Variants in GRIN2A observed in about 807,000 individuals in gnomAD.
GRIN2A encodes the protein glutamate ionotropic receptor NMDA type subunit 2A.
Under a neutral mutation model 113.4 loss-of-function variants are expected in GRIN2A, and 22 were observed. The ratio of observed to expected loss-of-function variants is 0.19; its 90% CI spans 0.14 to 0.28. GRIN2A has a LOEUF of 0.28. GRIN2A is among the 10% of genes least tolerant of loss of function. The pLI is 1.00. For synonymous variants in GRIN2A, 827 were observed against 738.4 expected (o/e 1.12, Z -1.94); for missense variants, 1,502 against 1,887.0 (o/e 0.80, Z 3.78).
intron 2 of GRIN2A, among the ~76,000 whole-genome samples, chr16:10,022,278 CAG>C (rs1319092199): frequency 1.4e-5 from 2 of 141,258 alleles, no homozygotes; most frequent in African/African-American, 3.2e-5. Context: ...CATGCATGCA[CAG>C]AGTCACACAC....
intron 2 of GRIN2A, among the ~76,000 whole-genome samples, chr16:10,160,986 C>T (rs1156633322): frequency 2.0e-5 from 3 of 152,224 alleles, no homozygotes; most frequent in Admixed American, 6.5e-5. Context: ...GCAGAACACA[C>T]GTGCAGAGCA....
At chr16:9,831,075 T>G (rs561484737) in intron 8 of GRIN2A, among the ~76,000 whole-genome samples, 2 of 152,292 alleles carry the variant, frequency 1.3e-5, no homozygotes, top group Admixed American at 1.3e-4. Flanking sequence ...CAGCGAAATG[T>G]AACAGAAAAC....
At chr16:9,798,128 A>G (rs1190324194) in intron 11 of GRIN2A, 149 bp downstream of exon 11, 3 of 703,908 alleles carry the variant, frequency 4.3e-6, no homozygotes, top group Non-Finnish European at 5.0e-6. Context: ...AGCAACCTAA[A>G]GAACCATGGT....
Position 10,007,974 on chromosome 16 carries a change from T to C in GRIN2A, c.415-69423A>G, listed in dbSNP as rs543836766. Among the ~76,000 whole-genome samples the C allele has an allele frequency of 1.1e-3, 166 of 152,314 alleles. 2 individuals are homozygous for C. The highest frequency in any genetic ancestry group is 3.7e-3 in the African/African-American group (152 of 41,582). ...CTTTGAGCCTCTGGTACATCCTCTA[T>C]AAGATACAAGTAGTATTCTTTTTTT... On this transcript the variant is annotated intron_variant, in intron 2 of 12. Coordinates refer to ENST00000330684, the MANE Select transcript of GRIN2A (RefSeq NM_001134407.3).
At chr16:9,788,684 C>G (rs1417197992) in intron 11 of GRIN2A, among the ~76,000 whole-genome samples, 1 of 150,596 alleles carries the variant, frequency 6.6e-6, no homozygotes, top group East Asian at 2.0e-4. Flanking sequence ...TCTTCTTGTT[C>G]TCATCTTCAT....
At chr16:9,973,297 CTT>C (rs902327700) in intron 2 of GRIN2A, among the ~76,000 whole-genome samples, 2 of 152,136 alleles carry the variant, frequency 1.3e-5, no homozygotes, top group African/African-American at 4.8e-5. Context: ...GCTAATATCT[CTT>C]TGTTTCAAAG....
At chr16:10,029,613 G>A (rs1284281986) in intron 2 of GRIN2A, among the ~76,000 whole-genome samples, 3 of 152,222 alleles carry the variant, frequency 2.0e-5, no homozygotes, top group African/African-American at 4.8e-5. Flanking sequence ...TGGGGATACG[G>A]CATATGTCTC....
At chr16:10,046,797 A>C (rs942904827) in intron 2 of GRIN2A, among the ~76,000 whole-genome samples, 2 of 150,672 alleles carry the variant, frequency 1.3e-5, no homozygotes, top group African/African-American at 5.0e-5. Flanking sequence ...GTATCATTAC[A>C]TTTTCAGTCC....
chr16:10,085,823 A>G (rs934553612), intron 2 of GRIN2A, among the ~76,000 whole-genome samples: 6 of 152,222 alleles, frequency 3.9e-5, no homozygotes, highest in Non-Finnish European at 8.8e-5. Context: ...CCCCTGGCCA[A>G]GAAGGGGTTC....
intron 2 of GRIN2A, among the ~76,000 whole-genome samples, chr16:9,941,458 T>G (rs575778006): frequency 2.0e-5 from 3 of 152,342 alleles, no homozygotes; most frequent in Admixed American, 1.3e-4. Context: ...CAGAGCCAGC[T>G]CGGCACAGGC....
intron 2 of GRIN2A, among the ~76,000 whole-genome samples, chr16:9,951,201 G>A (rs1197140457): frequency 6.6e-6 from 1 of 152,088 alleles, no homozygotes; most frequent in East Asian, 1.9e-4. Context: ...AATGCACCCT[G>A]AACTAATGCC....
At position 9,842,928 on chromosome 16, in the gene GRIN2A, C is replaced by T. The variant is rs1463120133; in HGVS notation, c.1329-1824G>A. ...CCTAGGTGACAGAATGTGACTCTGT[C>T]GAGAGAAAGAGAGAAAGAAAGAAAG... On this transcript the variant is annotated intron_variant, in intron 5 of 12. Transcript: ENST00000330684. Among the ~76,000 whole-genome samples, 4 of 136,548 alleles carry T rather than the reference C, an allele frequency of 2.9e-5. No homozygotes were observed. In the South Asian group the frequency reaches 7.0e-4, roughly 24 times the overall value. 89.6% of individuals were successfully genotyped at this position (136,548 alleles called of 152,430 possible). A position where few individuals can be genotyped will look rare whatever the true frequency, so the allele number is the denominator to read the frequency against.
In GRIN2A at chr16:10,118,216, T is replaced by G. The variant is rs80280970; in HGVS notation, c.414+61782A>C. 3.0e-4 allele frequency among the ~76,000 whole-genome samples: 45 copies of G among 152,340 alleles called. No homozygotes were observed. In the East Asian group the frequency reaches 8.5e-3, roughly 29 times the overall value. ...CGAAGACATTGTTATATATCTGTAT[T>G]CAGCCGTGCTGGAAGCCAGATACCC... On this transcript the variant is annotated intron_variant, in intron 2 of 12. Transcript: ENST00000330684.
chr16:10,068,136 A>C (rs767725336), intron 2 of GRIN2A, among the ~76,000 whole-genome samples: 6 of 152,164 alleles, frequency 3.9e-5, no homozygotes, highest in Non-Finnish European at 5.9e-5. Flanking sequence ...TGCTTTCCCA[A>C]AGCGTATTTA....
At chr16:9,796,549 G>C (rs752580413) in intron 11 of GRIN2A, among the ~76,000 whole-genome samples, 11 of 152,178 alleles carry the variant, frequency 7.2e-5, no homozygotes, top group Non-Finnish European at 2.9e-5. Flanking sequence ...GACCTGCTTT[G>C]GACAGAAGGA....
intron 2 of GRIN2A, among the ~76,000 whole-genome samples, chr16:10,166,058 G>C (rs2049915740): frequency 6.6e-6 from 1 of 152,116 alleles, no homozygotes; most frequent in Non-Finnish European, 1.5e-5. Flanking sequence ...ACCCAAGTCA[G>C]TTAATACTAC....
intron 11 of GRIN2A, among the ~76,000 whole-genome samples, chr16:9,791,419 G>A (rs1224935612): frequency 6.6e-6 from 1 of 152,104 alleles, no homozygotes. Context: ...ATATTCAGGG[G>A]TAAGGGGCAT....
At chr16:9,768,025 G>A (rs1246876752) in intron 12 of GRIN2A, among the ~76,000 whole-genome samples, 2 of 152,126 alleles carry the variant, frequency 1.3e-5, no homozygotes, top group Non-Finnish European at 2.9e-5. Context: ...GCTCTGTCTG[G>A]CCCAGTGTTT....
chr16:9,874,241 G>T (rs1245590105), intron 4 of GRIN2A, among the ~76,000 whole-genome samples: 1 of 152,128 alleles, frequency 6.6e-6, no homozygotes, highest in African/African-American at 2.4e-5. Flanking sequence ...TTTAAAGCAC[G>T]TTTTCAAAAG....
Sources: allele counts gnomAD v4.1 joint callset (sites outside exome capture counted in the v4.1 genomes callset), GRCh38; gene constraint gnomAD v4.1.1; transcripts MANE v1.5; gene names NCBI Gene and HGNC (gene_info 2026-07-23, HGNC 2026-07-21).